Variants in PALS2 observed in about 807,000 individuals in gnomAD.
PALS2 encodes the protein protein associated with LIN7 2, MAGUK p55 family member.
PALS2 carries 27 observed loss-of-function variants against 61.6 expected under a neutral mutation model. That is an observed-to-expected ratio of 0.44 (90% CI 0.32 to 0.60). The LOEUF is 0.60. Among genes scored for constraint, PALS2 ranks in the 20% least tolerant of loss-of-function variants. The probability of loss-of-function intolerance (pLI) is 0.05; values close to 1 mark genes in which losing one functional copy is unlikely to be tolerated. For missense variants in PALS2, 554 were observed against 639.4 expected, an observed-to-expected ratio of 0.87 and a Z score of 1.44; for synonymous variants, 236 against 218.6, an observed-to-expected ratio of 1.08 and a Z score of -0.70.
intron 9 of PALS2, among the ~76,000 whole-genome samples, chr7:24,677,493 A>T (rs998708589): frequency 4.6e-5 from 7 of 151,708 alleles, no homozygotes; most frequent in Admixed American, 3.3e-4. Flanking sequence ...ATTCAGTATG[A>T]TATTGGCTGT....
intron 2 of PALS2, among the ~76,000 whole-genome samples, chr7:24,640,911 G>A (rs966054483): frequency 6.6e-6 from 1 of 151,038 alleles, no homozygotes; most frequent in South Asian, 2.1e-4. Context: ...GGGAGGCTGA[G>A]GCAGGAGAAT....
intron 1 of PALS2, among the ~76,000 whole-genome samples, chr7:24,582,289 A>T (rs1328713019): frequency 2.6e-5 from 4 of 152,246 alleles, no homozygotes; most frequent in Admixed American, 1.3e-4. Context: ...AGAAAATGAA[A>T]TCCTATTTTG....
At chr7:24,621,092 G>A (rs1784489757) in intron 1 of PALS2, among the ~76,000 whole-genome samples, 1 of 152,142 alleles carries the variant, frequency 6.6e-6, no homozygotes. Context: ...CCCACTTAAA[G>A]GTAACTTGTT....
intron 9 of PALS2, among the ~76,000 whole-genome samples, chr7:24,675,351 A>C (rs1475508843): frequency 6.6e-6 from 1 of 151,436 alleles, no homozygotes; most frequent in East Asian, 1.9e-4. Flanking sequence ...GTTGCCTTAG[A>C]AGTTTTTTTA....
chr7:24,672,329 G>A (rs1294319572), intron 9 of PALS2, among the ~76,000 whole-genome samples: 1 of 151,740 alleles, frequency 6.6e-6, no homozygotes, highest in African/African-American at 2.4e-5. Context: ...CTGGATTCAA[G>A]CCATTCTCCT....
At chr7:24,641,395 G>A (rs899300868) in intron 2 of PALS2, among the ~76,000 whole-genome samples, 1 of 151,870 alleles carries the variant, frequency 6.6e-6, no homozygotes, top group Non-Finnish European at 1.5e-5. Flanking sequence ...CTAGGAGGTC[G>A]TTAGGAAATT....
chr7:24,585,389 A>G (rs139832252), intron 1 of PALS2, among the ~76,000 whole-genome samples: 7,927 of 152,134 alleles, frequency 0.052, 268 homozygotes, highest in African/African-American at 0.089. Flanking sequence ...ATCCCTTGTA[A>G]GTTGGATTCC....
intron 2 of PALS2, among the ~76,000 whole-genome samples, chr7:24,635,437 C>A (rs1011626158): frequency 6.6e-6 from 1 of 151,852 alleles, no homozygotes; most frequent in Non-Finnish European, 1.5e-5. Flanking sequence ...TTTTTTTATT[C>A]AAATAGTCTT....
chr7:24,664,510 A>G (rs1230048895), intron 6 of PALS2, among the ~76,000 whole-genome samples: 1 of 152,190 alleles, frequency 6.6e-6, no homozygotes, highest in Non-Finnish European at 1.5e-5. Flanking sequence ...GTAAGAGGAA[A>G]GGATCCAGGA....
chr7:24,588,267 C>T (rs942377037), intron 1 of PALS2, among the ~76,000 whole-genome samples: 1 of 152,100 alleles, frequency 6.6e-6, no homozygotes, highest in African/African-American at 2.4e-5. Flanking sequence ...CTTACAATAC[C>T]ATATAGATTC....
At chr7:24,602,389 T>C (rs1450996287) in intron 1 of PALS2, among the ~76,000 whole-genome samples, 1 of 152,086 alleles carries the variant, frequency 6.6e-6, no homozygotes, top group Non-Finnish European at 1.5e-5. Context: ...TCATTAAGAG[T>C]GGGGGACTAA....
rs766610979 is a variant in PALS2 at position 24,670,232 on chromosome 7, T to G, written c.1114+1572T>G. ...TCCCCTTCTGTGACCCAGGAATCTC[T>G]GGAGTTCTGTTTTTCTTTATACTAC... On this transcript the variant is annotated intron_variant, in intron 9 of 11. Coordinates refer to ENST00000222644, the MANE Select transcript of PALS2 (RefSeq NM_001303037.2). Among the ~76,000 whole-genome samples, 71 of 152,200 alleles carry G rather than the reference T, an allele frequency of 4.7e-4. 1 individual carries two copies. Among genetic ancestry groups the G allele is most frequent in the Non-Finnish European group, 1.9e-4 (13 of 68,032 alleles).
intron 9 of PALS2, among the ~76,000 whole-genome samples, chr7:24,673,964 G>A (rs959676753): frequency 2.0e-5 from 3 of 151,376 alleles, no homozygotes; most frequent in Non-Finnish European, 4.4e-5. Flanking sequence ...CTGTGTTTTT[G>A]TTTTCATTCA....
rs1185719114 is a variant in PALS2 at position 24,679,341 on chromosome 7, G to T, written c.1317+8G>T. On this transcript the variant is annotated splice_region_variant and intron_variant, in intron 10 of 11. Coordinates refer to ENST00000222644, the MANE Select transcript of PALS2 (RefSeq NM_001303037.2). ...CTGGATGTCAACCCACAAGTAAGCT[G>T]CTTGGATTCCAAAGCTGTTTTATAT... 1 of 1,612,514 alleles carries T rather than the reference G, an allele frequency of 6.2e-7. No individual in the cohort carries two copies. Among genetic ancestry groups the T allele is most frequent in the Non-Finnish European group, 8.5e-7 (1 of 1,179,286 alleles).
At chr7:24,600,867 G>A (rs759573110) in intron 1 of PALS2, among the ~76,000 whole-genome samples, 77 of 152,002 alleles carry the variant, frequency 5.1e-4, no homozygotes, top group Non-Finnish European at 9.1e-4. Flanking sequence ...TAGAAAAGTG[G>A]TTATAATTAT....
At chr7:24,574,828 C>G (rs1782586492) in intron 1 of PALS2, among the ~76,000 whole-genome samples, 1 of 151,986 alleles carries the variant, frequency 6.6e-6, no homozygotes, top group African/African-American at 2.4e-5. Flanking sequence ...ATATACCAGG[C>G]GAAGTAACAT....
chr7:24,649,813 T>C, intron 4 of PALS2, 49 bp downstream of exon 4: 1 of 1,452,042 alleles, frequency 6.9e-7, no homozygotes, highest in Non-Finnish European at 9.2e-7. Flanking sequence ...TATGACATAA[T>C]TTGTGGTTCA....
intron 5 of PALS2, among the ~76,000 whole-genome samples, chr7:24,657,105 C>T (rs951340589): frequency 1.3e-5 from 2 of 152,186 alleles, no homozygotes; most frequent in African/African-American, 2.4e-5. Flanking sequence ...TATTCCATTG[C>T]ATGGCTGTAC....
rs80036247 is a variant in PALS2 at position 24,683,932 on chromosome 7, T to C, written c.1446+3412T>C. On this transcript the variant is annotated intron_variant, in intron 11 of 11. Transcript: ENST00000222644. ...TCTCATAACACTGGAAATGTTAGAA[T>C]TAGAATATCAAATAATTGCTCATTT... 1.4e-3 allele frequency among the ~76,000 whole-genome samples: 218 copies of C among 152,340 alleles called. 2 individuals are homozygous for C. In the East Asian group the frequency reaches 0.04, roughly 28 times the overall value.
Sources: allele counts gnomAD v4.1 joint callset (sites outside exome capture counted in the v4.1 genomes callset), GRCh38; gene constraint gnomAD v4.1.1; transcripts MANE v1.5; gene names NCBI Gene and HGNC (gene_info 2026-07-23, HGNC 2026-07-21).